UQCRH: variants seen among roughly 807,000 people sequenced by gnomAD.
The protein encoded by UQCRH is cytochrome b-c1 complex subunit 6, mitochondrial.
A neutral mutation model predicts 16.3 loss-of-function variants in UQCRH; 14 were observed. That is an observed-to-expected ratio of 0.86 (90% CI 0.57 to 1.34). UQCRH has a LOEUF of 1.34. Among genes scored for constraint, UQCRH ranks in the 40% most tolerant of loss-of-function variants. UQCRH has a pLI of 0.00. For missense variants in UQCRH, 89 were observed against 111.9 expected, an observed-to-expected ratio of 0.80 and a Z score of 0.92; for synonymous variants, 41 against 41.9, an observed-to-expected ratio of 0.98 and a Z score of 0.08.
At chr1:46,313,347 A>G (rs1200931088) in intron 3 of UQCRH, among the ~76,000 whole-genome samples, 1 of 151,392 alleles carries the variant, frequency 6.6e-6, no homozygotes, top group African/African-American at 2.4e-5. Context: ...TATATATAAA[A>G]GCCGGGCGCG....
chr1:46,305,694 T>C (rs1661360799), intron 1 of UQCRH, among the ~76,000 whole-genome samples: 1 of 151,760 alleles, frequency 6.6e-6, no homozygotes, highest in Non-Finnish European at 1.5e-5. Flanking sequence ...AAGCTTGCAG[T>C]GAGCCAAGGT....
Position 46,316,620 on chromosome 1 carries a change from T to TG in UQCRH, c.*39dup, listed in dbSNP as rs1661593304. 6.2e-7 allele frequency: 1 copy of TG among 1,610,756 alleles called. No homozygotes were observed. Among genetic ancestry groups the TG allele is most frequent in the Non-Finnish European group, 8.5e-7 (1 of 1,179,430 alleles). On this transcript the variant is annotated 3_prime_UTR_variant, in exon 4 of 4. Coordinates refer to ENST00000311672, the MANE Select transcript of UQCRH (RefSeq NM_006004.4). ...TTAATTCACCCCAGTCTTCATCATC[T>TG]GGGCATCAGAATATTTCCTTATGGT...
intron 3 of UQCRH, among the ~76,000 whole-genome samples, chr1:46,311,415 A>G (rs1661472470): frequency 1.3e-5 from 2 of 151,038 alleles, no homozygotes; most frequent in Non-Finnish European, 3.0e-5. Flanking sequence ...CGTCCCTACT[A>G]AAGTACAAAA....
intron 3 of UQCRH, among the ~76,000 whole-genome samples, chr1:46,314,469 G>A (rs1394592986): frequency 2.0e-5 from 3 of 151,870 alleles, no homozygotes; most frequent in Non-Finnish European, 1.5e-5. Context: ...TCCGGAGTTC[G>A]AGACCAGCTT....
At chr1:46,313,782 A>G (rs1661527506) in intron 3 of UQCRH, among the ~76,000 whole-genome samples, 2 of 151,688 alleles carry the variant, frequency 1.3e-5, no homozygotes, top group South Asian at 4.2e-4. Context: ...TCAAGGCTTC[A>G]GTGAGCCATG....
chr1:46,309,670 TA>T (rs764614791), intron 2 of UQCRH: 7,874 of 161,754 alleles, frequency 0.049, 14 homozygotes, highest in South Asian at 0.12. Flanking sequence ...AACTCCGTCT[TA>T]AAAAAAAAAA....
rs867155282 is a variant in UQCRH at position 46,303,910 on chromosome 1, C to A, written c.54+90C>A. ...ACACGCACGGGGCCCTCTTAGCCCC[C>A]AGTTTACCCTCTAGGGTTTGCATAG... is the stretch of plus-strand genomic sequence containing the variant. On this transcript the variant is annotated intron_variant, in intron 1 of 3. Transcript: ENST00000311672. 5 of 1,557,328 alleles carry A rather than the reference C, an allele frequency of 3.2e-6. No individual in the cohort carries two copies. In the Middle Eastern group the frequency reaches 8.4e-4, roughly 263 times the overall value.
intron 1 of UQCRH, among the ~76,000 whole-genome samples, chr1:46,306,359 T>C (rs79783387): frequency 0.11 from 16,257 of 151,760 alleles, 1,262 homozygotes; most frequent in South Asian, 0.39. Context: ...TAATTTTAGT[T>C]TTTTTGGGAA....
At chr1:46,316,444 AG>A in intron 3 of UQCRH, 107 bp from the exon 4 acceptor site, 4 of 1,439,094 alleles carry the variant, frequency 2.8e-6, no homozygotes, top group Non-Finnish European at 3.8e-6. Flanking sequence ...CTATGTGAGA[AG>A]GGGAGTGGTG....
At chr1:46,310,004 T>A (rs1661438234) in intron 2 of UQCRH, 151 bp from the exon 3 acceptor site, 2 of 1,497,296 alleles carry the variant, frequency 1.3e-6, no homozygotes, top group African/African-American at 2.8e-5. Context: ...ATTCTGCCAT[T>A]TCTGGCGGCA....
chr1:46,310,348 G>C (rs1661447404), intron 3 of UQCRH, 32 bp downstream of exon 3: 1 of 1,613,622 alleles, frequency 6.2e-7, no homozygotes, highest in Admixed American at 1.7e-5. Context: ...AAGGGGAAAG[G>C]TTGCAATGGT....
In UQCRH at chr1:46,309,378, A is replaced by G. The variant is rs1661426566; in HGVS notation, c.81+251A>G. The G allele has an allele frequency of 1.1e-5, 5 of 471,520 alleles. No homozygotes were observed. The South Asian group carries it at 1.8e-4, about 17-fold the overall frequency. The allele number at this position is 471,520 out of a possible 1,614,324, so 29.2% of individuals were successfully genotyped here. A position where few individuals can be genotyped will look rare whatever the true frequency, so the allele number is the denominator to read the frequency against. On this transcript the variant is annotated intron_variant, in intron 2 of 3. Coordinates refer to ENST00000311672, the MANE Select transcript of UQCRH (RefSeq NM_006004.4). The stretch of plus-strand genomic sequence containing the variant: ...CATCTTGAGGGCCTGGCACTCAATC[A>G]TCTGCTATTTGTGGTTTAATAAAGA...
rs1569702391 is a variant in UQCRH at position 46,316,691 on chromosome 1, A to G, written c.*107A>G. The G allele has an allele frequency of 6.5e-7, 1 of 1,540,492 alleles. No individual in the cohort carries two copies. Among genetic ancestry groups the G allele is most frequent in the East Asian group, 2.3e-5 (1 of 43,822 alleles). On this transcript the variant is annotated 3_prime_UTR_variant, in exon 4 of 4. Transcript: ENST00000311672. ...CTTATTTGTGTAACTGTAAGTTCAC[A>G]TGAACCTCATGGGTTTGGCTTAGGC...
At chr1:46,304,829 C>T (rs1165794706) in intron 1 of UQCRH, among the ~76,000 whole-genome samples, 1 of 152,258 alleles carries the variant, frequency 6.6e-6, no homozygotes, top group African/African-American at 2.4e-5. Flanking sequence ...CCAGGAATTG[C>T]GGCCAAGCAG....
chr1:46,311,805 T>C (rs1661483345), intron 3 of UQCRH, among the ~76,000 whole-genome samples: 1 of 151,760 alleles, frequency 6.6e-6, no homozygotes, highest in Non-Finnish European at 1.5e-5. Flanking sequence ...TTTTTTTGTA[T>C]TTTTAGTAGA....
intron 3 of UQCRH, among the ~76,000 whole-genome samples, chr1:46,310,662 C>T (rs961682055): frequency 6.6e-6 from 1 of 152,084 alleles, no homozygotes; most frequent in Non-Finnish European, 1.5e-5. Context: ...GTGACGGGGC[C>T]TTGTTATGTT....
At chr1:46,306,645 TAC>T (rs1345568902) in intron 1 of UQCRH, among the ~76,000 whole-genome samples, 1 of 152,186 alleles carries the variant, frequency 6.6e-6, no homozygotes, top group African/African-American at 2.4e-5. Context: ...GTGCTGGGAT[TAC>T]AGACATGAGC....
At chr1:46,309,148 G>A in intron 2 of UQCRH, 21 bp downstream of exon 2, 1 of 1,607,056 alleles carries the variant, frequency 6.2e-7, no homozygotes, top group Non-Finnish European at 8.5e-7. Context: ...TCTCAGGTTT[G>A]GAAACATCTC....
intron 1 of UQCRH, among the ~76,000 whole-genome samples, chr1:46,304,362 C>T (rs1661320055): frequency 1.3e-5 from 2 of 150,942 alleles, no homozygotes; most frequent in African/African-American, 4.9e-5. Context: ...GCTTGCTATT[C>T]CAAGTGCTTT....
Sources: gnomAD v4.1 joint callset for allele counts (sites outside exome capture counted in the v4.1 genomes callset) on GRCh38, gnomAD v4.1.1 for gene constraint, MANE v1.5 for transcripts, NCBI Gene and HGNC (gene_info 2026-07-23, HGNC 2026-07-21) for gene names.